Variants in TAFA2 observed in about 807,000 individuals in gnomAD.
The protein encoded by TAFA2 is chemokine-like protein TAFA-2.
A neutral mutation model predicts 18.8 loss-of-function variants in TAFA2; 7 were observed. That is an observed-to-expected ratio of 0.37 (90% CI 0.21 to 0.70). TAFA2 has a LOEUF of 0.70. Ranked by LOEUF, TAFA2 falls within the 30% of genes least tolerant of loss-of-function variation. The pLI is 0.53. For synonymous variants in TAFA2, 60 were observed against 54.2 expected (o/e 1.11, Z -0.47); for missense variants, 122 against 158.1 (o/e 0.77, Z 1.23).
intron 4 of TAFA2, among the ~76,000 whole-genome samples, chr12:61,713,361 T>C (rs1869502322): frequency 6.6e-6 from 1 of 152,194 alleles, no homozygotes; most frequent in African/African-American, 2.4e-5. Context: ...TCTCTGAGCC[T>C]ACTCTTGCTT....
chr12:62,054,622 G>A (rs915705073), intron 1 of TAFA2, among the ~76,000 whole-genome samples: 1 of 152,154 alleles, frequency 6.6e-6, no homozygotes. Flanking sequence ...AATAAAAATG[G>A]ATCAGTTCAT....
intron 1 of TAFA2, among the ~76,000 whole-genome samples, chr12:61,954,230 C>T (rs986641343): frequency 3.9e-5 from 6 of 152,016 alleles, no homozygotes; most frequent in Non-Finnish European, 7.4e-5. Flanking sequence ...TAGTATTTGA[C>T]TTGGATTTAT....
At chr12:61,982,367 A>G (rs902649848) in intron 1 of TAFA2, among the ~76,000 whole-genome samples, 1 of 152,180 alleles carries the variant, frequency 6.6e-6, no homozygotes, top group Non-Finnish European at 1.5e-5. Context: ...GCAGCACACC[A>G]GCATGGCACA....
chr12:61,824,539 T>C (rs1872461116), intron 2 of TAFA2, among the ~76,000 whole-genome samples: 1 of 152,204 alleles, frequency 6.6e-6, no homozygotes, highest in African/African-American at 2.4e-5. Context: ...AAAATAATTG[T>C]AGATATATCT....
At chr12:62,067,529 T>C (rs1227220951) in intron 1 of TAFA2, among the ~76,000 whole-genome samples, 4 of 152,108 alleles carry the variant, frequency 2.6e-5, no homozygotes, top group Admixed American at 1.3e-4. Context: ...TTATTCTGCA[T>C]ATGGATATCC....
chr12:62,147,134 A>G (rs1448161208), intron 1 of TAFA2, among the ~76,000 whole-genome samples: 2 of 151,148 alleles, frequency 1.3e-5, no homozygotes, highest in African/African-American at 2.4e-5. Context: ...CTGAAACTAG[A>G]TCCATACCTC....
At chr12:62,048,884 C>T (rs1031483148) in intron 1 of TAFA2, among the ~76,000 whole-genome samples, 1 of 152,120 alleles carries the variant, frequency 6.6e-6, no homozygotes, top group Non-Finnish European at 1.5e-5. Flanking sequence ...ATAGATAGAC[C>T]AAAGGAGAGG....
At chr12:61,963,140 G>A (rs1383472635) in intron 1 of TAFA2, among the ~76,000 whole-genome samples, 1 of 151,946 alleles carries the variant, frequency 6.6e-6, no homozygotes, top group Non-Finnish European at 1.5e-5. Flanking sequence ...GGTCATTTGG[G>A]TTGGTTCCAT....
intron 2 of TAFA2, among the ~76,000 whole-genome samples, chr12:61,837,453 ATT>A (rs1872981069): frequency 1.3e-5 from 2 of 152,074 alleles, no homozygotes; most frequent in Non-Finnish European, 2.9e-5. Context: ...TATTGGCAGT[ATT>A]TACATATGAC....
At chr12:62,030,294 G>A (rs542955113) in intron 1 of TAFA2, among the ~76,000 whole-genome samples, 2 of 152,240 alleles carry the variant, frequency 1.3e-5, no homozygotes, top group South Asian at 2.1e-4. Context: ...TCATGGAGAA[G>A]TGGAATCCTA....
intron 1 of TAFA2, among the ~76,000 whole-genome samples, chr12:61,902,424 C>A (rs1384357571): frequency 6.6e-6 from 1 of 152,148 alleles, no homozygotes; most frequent in African/African-American, 2.4e-5. Context: ...TTGCTGTCTG[C>A]CTCTTCCTGG....
At chr12:62,061,018 G>A (rs199691011) in intron 1 of TAFA2, among the ~76,000 whole-genome samples, 5 of 148,672 alleles carry the variant, frequency 3.4e-5, no homozygotes, top group Non-Finnish European at 4.5e-5. Context: ...AAGTTTAAAA[G>A]AAAAAAAAAA....
chr12:62,071,508 G>A (rs1423195949), intron 1 of TAFA2, among the ~76,000 whole-genome samples: 1 of 152,102 alleles, frequency 6.6e-6, no homozygotes, highest in African/African-American at 2.4e-5. Flanking sequence ...TTGGGAGGCC[G>A]AGACAGGAGG....
intron 1 of TAFA2, chr12:61,879,398 G>A (rs1358136555): frequency 1.4e-6 from 1 of 725,386 alleles, no homozygotes; most frequent in African/African-American, 1.7e-5. Flanking sequence ...TCCTACACGA[G>A]TGGTCCCGGT....
chr12:62,085,020 T>C (rs1416074508), intron 1 of TAFA2, among the ~76,000 whole-genome samples: 1 of 152,122 alleles, frequency 6.6e-6, no homozygotes, highest in Non-Finnish European at 1.5e-5. Flanking sequence ...CATCAACAAG[T>C]GTTCATAACT....
Position 62,004,749 on chromosome 12 carries a change from T to C in TAFA2, c.-1-137323A>G, listed in dbSNP as rs144668177. 2.8e-4 allele frequency among the ~76,000 whole-genome samples: 43 copies of C among 152,208 alleles called. 1 individual carries two copies. The East Asian group carries it at 6.9e-3, about 25-fold the overall frequency. On this transcript the variant is annotated intron_variant, in intron 1 of 4. Transcript: ENST00000416284. The stretch of plus-strand genomic sequence containing the variant: ...TGCTCCCATATTCATTGCAGCATTA[T>C]TCATAATAGTCGAGATATGAAAACA...
At chr12:62,162,193 T>A (rs942193150) in intron 1 of TAFA2, among the ~76,000 whole-genome samples, 1 of 152,202 alleles carries the variant, frequency 6.6e-6, no homozygotes, top group Admixed American at 6.6e-5. Context: ...TCTCTCAGTT[T>A]CTGTGGGAAG....
chr12:62,220,548 A>C (rs953443783), intron 1 of TAFA2, among the ~76,000 whole-genome samples: 1 of 152,214 alleles, frequency 6.6e-6, no homozygotes, highest in African/African-American at 2.4e-5. Flanking sequence ...AAACCCACAA[A>C]ATATATAACA....
At chr12:61,829,706 A>T (rs1297612349) in intron 2 of TAFA2, among the ~76,000 whole-genome samples, 1 of 151,672 alleles carries the variant, frequency 6.6e-6, no homozygotes, top group East Asian at 1.9e-4. Context: ...TATTTATAAA[A>T]TATAAATAGT....
Sources: allele counts gnomAD v4.1 joint callset (sites outside exome capture counted in the v4.1 genomes callset), GRCh38; gene constraint gnomAD v4.1.1; transcripts MANE v1.5; gene names NCBI Gene and HGNC (gene_info 2026-07-23, HGNC 2026-07-21).